The following DOCK4 variants were observed in gnomAD, a reference collection of about 807,000 sequenced individuals.
DOCK4 encodes the protein dedicator of cytokinesis 4.
A neutral mutation model predicts 268.1 loss-of-function variants in DOCK4; 97 were observed. That is an observed-to-expected ratio of 0.36 (90% CI 0.31 to 0.43). The LOEUF (loss-of-function observed/expected upper bound fraction) is 0.43. DOCK4 is among the 20% of genes least tolerant of loss of function. The pLI is 1.00. For missense variants in DOCK4, 2,145 were observed against 2,455.7 expected (o/e 0.87, Z 2.67); for synonymous variants, 954 against 887.2 (o/e 1.08, Z -1.34).
chr7:111,812,870 C>T (rs576828181), intron 27 of DOCK4, among the ~76,000 whole-genome samples: 5 of 152,166 alleles, frequency 3.3e-5, no homozygotes, highest in Non-Finnish European at 7.3e-5. Context: ...GGGTCATCTC[C>T]AGGGCAGGAG....
intron 35 of DOCK4, among the ~76,000 whole-genome samples, chr7:111,781,990 T>C (rs548320872): frequency 1.3e-5 from 2 of 152,344 alleles, no homozygotes; most frequent in Non-Finnish European, 1.5e-5. Flanking sequence ...AGGATTCATT[T>C]ATTCTACAAA....
intron 1 of DOCK4, among the ~76,000 whole-genome samples, chr7:112,127,566 TAA>T (rs55792625): frequency 2.6e-5 from 4 of 151,322 alleles, no homozygotes; most frequent in South Asian, 2.1e-4. Flanking sequence ...ATAATAATAA[TAA>T]AAAAAAACTT....
intron 14 of DOCK4, among the ~76,000 whole-genome samples, chr7:111,900,793 C>T (rs1374539603): frequency 6.6e-6 from 1 of 152,158 alleles, no homozygotes; most frequent in Non-Finnish European, 1.5e-5. Context: ...ATTGCATGGC[C>T]CACTTGGAGT....
intron 23 of DOCK4, among the ~76,000 whole-genome samples, chr7:111,859,338 A>G (rs1039053422): frequency 3.3e-5 from 5 of 152,178 alleles, no homozygotes; most frequent in Admixed American, 6.5e-5. Context: ...AGCAATGGGA[A>G]ATGACTCCAT....
chr7:111,905,683 ATG>A (rs145889951), intron 13 of DOCK4, among the ~76,000 whole-genome samples: 3,153 of 147,368 alleles, frequency 0.021, 66 homozygotes, highest in African/African-American at 0.058. Context: ...ATATGCATGT[ATG>A]TGTGTGTGTG....
At chr7:111,783,018 G>GAAAAAAAAAAAAAAA in intron 34 of DOCK4, 94 bp from the exon 35 acceptor site, 2 of 512,488 alleles carry the variant, frequency 3.9e-6, no homozygotes, top group South Asian at 3.4e-5. Context: ...AAGAAAGAAA[G>GAAAAAAAAAAAAAAA]AAAAAAAAAA....
chr7:111,746,101 G>A (rs1379713682), intron 44 of DOCK4, among the ~76,000 whole-genome samples: 2 of 152,116 alleles, frequency 1.3e-5, no homozygotes, highest in African/African-American at 2.4e-5. Flanking sequence ...TTGGATAAAG[G>A]ATACTCAACC....
intron 1 of DOCK4, among the ~76,000 whole-genome samples, chr7:112,144,935 G>A (rs1025912371): frequency 1.3e-5 from 2 of 152,092 alleles, no homozygotes; most frequent in Non-Finnish European, 2.9e-5. Flanking sequence ...AGGAATTTTT[G>A]TTCCACTGGG....
chr7:112,200,210 T>G (rs1820791831), intron 1 of DOCK4, among the ~76,000 whole-genome samples: 1 of 152,294 alleles, frequency 6.6e-6, no homozygotes, highest in Middle Eastern at 3.4e-3. Context: ...AAGTATTTTT[T>G]TTAACAAAAA....
intron 8 of DOCK4, among the ~76,000 whole-genome samples, chr7:111,949,786 C>G (rs538626446): frequency 1.3e-3 from 193 of 151,874 alleles, no homozygotes; most frequent in Non-Finnish European, 2.2e-3. Context: ...TGGTTTTGGA[C>G]AAAAAAAGAC....
chr7:111,924,903 A>G (rs1793471470), intron 12 of DOCK4, among the ~76,000 whole-genome samples: 1 of 152,232 alleles, frequency 6.6e-6, no homozygotes, highest in Non-Finnish European at 1.5e-5. Flanking sequence ...ATTTCTTGAC[A>G]GTACTTGCAT....
At chr7:111,916,980 G>GTTTTTTTTTTTTTTT (rs749349556) in intron 12 of DOCK4, among the ~76,000 whole-genome samples, 2 of 83,976 alleles carry the variant, frequency 2.4e-5, no homozygotes, top group East Asian at 9.5e-4. Context: ...TTTCCCCCAT[G>GTTTTTTTTTTTTTTT]TTTTTTTTTT....
intron 36 of DOCK4, 54 bp from the exon 37 acceptor site, chr7:111,769,731 C>T: frequency 6.4e-7 from 1 of 1,563,044 alleles, no homozygotes; most frequent in Non-Finnish European, 8.7e-7. Flanking sequence ...GCCACATTCC[C>T]TCAAATGTGG....
intron 12 of DOCK4, among the ~76,000 whole-genome samples, chr7:111,931,971 A>C (rs1420543382): frequency 6.6e-6 from 1 of 152,214 alleles, no homozygotes; most frequent in Non-Finnish European, 1.5e-5. Context: ...GTCTGTAAGC[A>C]GAGGGAAATG....
intron 28 of DOCK4, 42 bp from the exon 29 acceptor site, chr7:111,809,443 G>C: frequency 1.4e-6 from 2 of 1,474,666 alleles, no homozygotes; most frequent in African/African-American, 1.4e-5. Flanking sequence ...GGTGTTACAA[G>C]CATATTGACA....
At chr7:112,021,432 C>G (rs1374625547) in intron 1 of DOCK4, among the ~76,000 whole-genome samples, 1 of 152,156 alleles carries the variant, frequency 6.6e-6, no homozygotes, top group Non-Finnish European at 1.5e-5. Context: ...TATCCTTTGA[C>G]TAGCTCAGAA....
At chr7:112,078,025 A>G (rs896713863) in intron 1 of DOCK4, among the ~76,000 whole-genome samples, 1 of 152,160 alleles carries the variant, frequency 6.6e-6, no homozygotes, top group African/African-American at 2.4e-5. Context: ...ATTGGCATAG[A>G]TATTAATTAC....
At chr7:111,845,174 CA>C (rs1804004462) in intron 24 of DOCK4, among the ~76,000 whole-genome samples, 1 of 152,226 alleles carries the variant, frequency 6.6e-6, no homozygotes, top group African/African-American at 2.4e-5. Flanking sequence ...AGGCTCCCAA[CA>C]GGGTGTGTGA....
At position 111,928,184 on chromosome 7, in the gene DOCK4, C is replaced by T. The variant is rs528676379; in HGVS notation, c.1066+7356G>A. 5.3e-5 allele frequency among the ~76,000 whole-genome samples: 8 copies of T among 152,276 alleles called. No individual in the cohort carries two copies. The South Asian group carries it at 1.2e-3, about 24-fold the overall frequency. ...GTTACTCTGTCTTTTGTTGTTGGGGCTTAATCCATGAACCTAGGATACATG... is the reference window on the plus strand; with the variant it reads ...GTTACTCTGTCTTTTGTTGTTGGGGTTTAATCCATGAACCTAGGATACATG... On this transcript the variant is annotated intron_variant, in intron 12 of 52. Coordinates refer to ENST00000428084, the MANE Select transcript of DOCK4 (RefSeq NM_001363540.2).
Sources: allele counts gnomAD v4.1 joint callset (sites outside exome capture counted in the v4.1 genomes callset), GRCh38; gene constraint gnomAD v4.1.1; transcripts MANE v1.5; gene names NCBI Gene and HGNC (gene_info 2026-07-23, HGNC 2026-07-21).